The following HIPK1 variants were observed in gnomAD, a reference collection of about 807,000 sequenced individuals.
HIPK1 encodes the protein homeodomain-interacting protein kinase 1.
A neutral mutation model predicts 117.1 loss-of-function variants in HIPK1; 28 were observed. The ratio of observed to expected loss-of-function variants is 0.24; its 90% CI spans 0.18 to 0.33. HIPK1 has a LOEUF of 0.33. Ranked by LOEUF, HIPK1 falls within the 10% of genes least tolerant of loss-of-function variation. HIPK1 has a pLI of 1.00. For synonymous variants in HIPK1, 605 were observed against 562.5 expected (o/e 1.08, Z -1.07); for missense variants, 1,122 against 1,475.1 (o/e 0.76, Z 3.92).
At chr1:113,966,719 C>A (rs1672469248) in intron 11 of HIPK1, among the ~76,000 whole-genome samples, 1 of 152,106 alleles carries the variant, frequency 6.6e-6, no homozygotes, top group Non-Finnish European at 1.5e-5. Context: ...TCCCCTCAAG[C>A]ATTTATCCTT....
intron 1 of HIPK1, chr1:113,929,846 T>A: frequency 1.0e-6 from 1 of 985,216 alleles, no homozygotes; most frequent in Admixed American, 6.2e-5. Flanking sequence ...GCGCGGGGGG[T>A]ATGATGACCC....
In HIPK1 at chr1:113,977,239, T is replaced by C. The variant is rs1023308667; in HGVS notation, c.*3727T>C. 6.5e-6 allele frequency: 1 copy of C among 152,754 alleles called. No homozygotes were observed. Among genetic ancestry groups the C allele is most frequent in the African/African-American group, 2.4e-5 (1 of 41,440 alleles). 9.5% of individuals were successfully genotyped at this position (152,754 alleles called of 1,614,324 possible). ...CCGAGCCTGCTTCCTATTTTGATTTTTTTTTTTTTTAACTGATAGATGGTG... is the reference window on the plus strand; with the variant it reads ...CCGAGCCTGCTTCCTATTTTGATTTCTTTTTTTTTTAACTGATAGATGGTG... On this transcript the variant is annotated 3_prime_UTR_variant, in exon 16 of 16. Coordinates refer to ENST00000426820, the MANE Select transcript of HIPK1 (RefSeq NM_198268.3).
chr1:113,955,434 A>T, intron 4 of HIPK1, 129 bp from the exon 5 acceptor site: 1 of 638,942 alleles, frequency 1.6e-6, no homozygotes, highest in South Asian at 2.0e-5. Flanking sequence ...GTTGTGAATT[A>T]CTTTCATGTT....
chr1:113,957,398 A>G, intron 7 of HIPK1, 112 bp downstream of exon 7: 5 of 788,362 alleles, frequency 6.3e-6, no homozygotes, highest in Non-Finnish European at 1.0e-5. Flanking sequence ...TGCTTCTTAG[A>G]AATTCTCCAC....
At chr1:113,929,977 G>A in intron 1 of HIPK1, 1 of 985,548 alleles carries the variant, frequency 1.0e-6, no homozygotes, top group Non-Finnish European at 1.2e-6. Context: ...TCGGCGGGGA[G>A]CGACTTCCCC....
intron 8 of HIPK1, among the ~76,000 whole-genome samples, chr1:113,959,182 T>C (rs930026625): frequency 2.0e-5 from 3 of 152,114 alleles, no homozygotes; most frequent in African/African-American, 7.2e-5. Context: ...TATAACACTT[T>C]ACATAGAAGC....
rs1354778574 is a variant in HIPK1, at chr1:113,973,743, G to A, written c.*231G>A. The A allele has an allele frequency of 7.4e-6, 3 of 403,472 alleles. No homozygotes were observed. Among genetic ancestry groups the A allele is most frequent in the Non-Finnish European group, 8.6e-6 (2 of 231,992 alleles). The allele number at this position is 403,472 out of a possible 1,614,324, so 25.0% of individuals were successfully genotyped here. A position where few individuals can be genotyped will look rare whatever the true frequency, so the allele number is the denominator to read the frequency against. On this transcript the variant is annotated 3_prime_UTR_variant, in exon 16 of 16. Coordinates refer to ENST00000426820, the MANE Select transcript of HIPK1 (RefSeq NM_198268.3). ...CCCTATTTTTAAATTCATTATTTTT[G>A]TGACAGTAATTTTGGTACTTGGAAG... is the stretch of plus-strand genomic sequence containing the variant.
In HIPK1 at chr1:113,941,100, C is replaced by T. The variant is rs746572929; in HGVS notation, c.717C>T (p.Ser239=). The T allele has an allele frequency of 1.9e-6, 3 of 1,614,238 alleles. No homozygotes were observed. The highest frequency in any genetic ancestry group is 2.5e-6 in the Non-Finnish European group (3 of 1,180,048). ...RQGQIEVSIL[S]RLSSENADEY... Reference sequence around the variant, plus strand: ...GACAGATTGAAGTGAGCATCCTTTCCCGCCTAAGCAGTGAAAATGCTGATG... The same window carrying T: ...GACAGATTGAAGTGAGCATCCTTTCTCGCCTAAGCAGTGAAAATGCTGATG... Residue 239 remains serine (S), a synonymous_variant, in exon 2 of 16, where the codon TCC becomes TCT. Coordinates refer to ENST00000426820, the MANE Select transcript of HIPK1 (RefSeq NM_198268.3). The surrounding 1 kb of genome is among the most constrained non-coding windows in gnomAD (Gnocchi z 4.9).
chr1:113,958,085 G>C lies in HIPK1; in HGVS notation c.1775G>C (p.Ser592Thr), dbSNP rs1305603247. 1.1e-5 allele frequency: 18 copies of C among 1,613,948 alleles called. No homozygotes were observed. The highest frequency in any genetic ancestry group is 1.5e-5 in the Non-Finnish European group (18 of 1,179,836). ...TTTTAGGCCAGTGTTCTAGCTTCCA[G>C]TTCTACTGCAGCAGCTGCTACTCTT... ...VHNQASVLAS[S>T]STAAAATLSL... is the part of the protein sequence containing the mutation. Residue 592 changes from serine to threonine, a missense_variant, in exon 8 of 16, where the codon AGT (serine) becomes ACT (threonine). Physicochemically the swap from Ser to Thr is moderately conservative, Grantham distance 58. This residue lies in a region of HIPK1 where 731 missense variants were observed against 860.4 expected (regional missense o/e 0.85). Coordinates refer to ENST00000426820, the MANE Select transcript of HIPK1 (RefSeq NM_198268.3).
At chr1:113,964,589 T>C (rs1184742335) in intron 10 of HIPK1, among the ~76,000 whole-genome samples, 1 of 152,266 alleles carries the variant, frequency 6.6e-6, no homozygotes, top group Non-Finnish European at 1.5e-5. Context: ...TAAATTTCTT[T>C]TGTTGTTTCT....
intron 8 of HIPK1, among the ~76,000 whole-genome samples, chr1:113,959,393 T>C (rs980902719): frequency 6.6e-6 from 1 of 152,186 alleles, no homozygotes; most frequent in Non-Finnish European, 1.5e-5. Flanking sequence ...TCAAAATCCG[T>C]AAATGCACGT....
intron 2 of HIPK1, among the ~76,000 whole-genome samples, chr1:113,947,833 C>T (rs2101238094): frequency 6.6e-6 from 1 of 152,314 alleles, no homozygotes; most frequent in South Asian, 2.1e-4. Flanking sequence ...TGCCATTTTC[C>T]TACTGAAGTG....
chr1:113,971,272 G>A (rs777459033), intron 14 of HIPK1, among the ~76,000 whole-genome samples: 1 of 152,174 alleles, frequency 6.6e-6, no homozygotes, highest in Non-Finnish European at 1.5e-5. Context: ...GAGAATATAG[G>A]CTATCACATG....
Position 113,957,976 on chromosome 1 carries a change from C to A in HIPK1, c.1756-90C>A, listed in dbSNP as rs367789708. On this transcript the variant is annotated intron_variant, in intron 7 of 15. Transcript: ENST00000426820. ...TAACATTACATTTTAAAACATTATTCTACGTTTTTCTGGATAAATTCTGTA... is the reference window on the plus strand; with the variant it reads ...TAACATTACATTTTAAAACATTATTATACGTTTTTCTGGATAAATTCTGTA... 3.2e-6 allele frequency: 3 copies of A among 947,306 alleles called. No homozygotes were observed. In the African/African-American group the frequency reaches 5.0e-5, roughly 16 times the overall value. The allele number at this position is 947,306 out of a possible 1,614,324, so 58.7% of individuals were successfully genotyped here.
At chr1:113,951,633 A>G (rs1268535317) in intron 2 of HIPK1, among the ~76,000 whole-genome samples, 1 of 152,232 alleles carries the variant, frequency 6.6e-6, no homozygotes, top group African/African-American at 2.4e-5. Context: ...CTGTTATTAT[A>G]TCTAACACCT....
intron 3 of HIPK1, among the ~76,000 whole-genome samples, chr1:113,953,564 C>G (rs1380826858): frequency 6.6e-6 from 1 of 152,184 alleles, no homozygotes; most frequent in Non-Finnish European, 1.5e-5. Flanking sequence ...GTCACCCAGG[C>G]TGGAGTGCAG....
At position 113,940,957 on chromosome 1, in the gene HIPK1, G is replaced by A; in HGVS notation, c.574G>A (p.Val192Ile). 6.2e-7 allele frequency: 1 copy of A among 1,614,206 alleles called. No homozygotes were observed. The highest frequency in any genetic ancestry group is 8.5e-7 in the Non-Finnish European group (1 of 1,180,044). ...ILCSMTNSYE[V>I]LEFLGRGTFG... ...TTGCTCTATGACCAATAGCTATGAA[G>A]TCTTGGAGTTCCTAGGCCGGGGGAC... is the stretch of plus-strand genomic sequence containing the variant. The change falls in exon 2 of 16, where the codon GTC becomes ATC. Residue 192 changes from valine (V) to isoleucine (I), a missense_variant. Coordinates refer to ENST00000426820, the MANE Select transcript of HIPK1 (RefSeq NM_198268.3).
chr1:113,946,576 A>AT (rs201400647), intron 2 of HIPK1, among the ~76,000 whole-genome samples: 1,585 of 152,194 alleles, frequency 0.01, 34 homozygotes, highest in African/African-American at 0.036. Flanking sequence ...TGATCTTTGT[A>AT]TTTTTTATCC....
At chr1:113,935,614 A>G (rs1404030635) in intron 1 of HIPK1, among the ~76,000 whole-genome samples, 2 of 152,312 alleles carry the variant, frequency 1.3e-5, no homozygotes, top group Non-Finnish European at 2.9e-5. Flanking sequence ...GCTTTTCACA[A>G]TGGGTGAACT....
Sources: allele counts gnomAD v4.1 joint callset (sites outside exome capture counted in the v4.1 genomes callset), GRCh38; gene constraint gnomAD v4.1.1; regional missense constraint gnomAD v4.1.1; non-coding constraint Gnocchi (gnomAD v3.1); transcripts MANE v1.5; gene names NCBI Gene and HGNC (gene_info 2026-07-23, HGNC 2026-07-21).